RBPJ: variants seen among roughly 807,000 people sequenced by gnomAD.
RBPJ encodes recombining binding protein suppressor of hairless.
Under a neutral mutation model 67.8 loss-of-function variants are expected in RBPJ, and 9 were observed. That is an observed-to-expected ratio of 0.13 (90% CI 0.08 to 0.23). The LOEUF is 0.23. Among genes scored for constraint, RBPJ ranks in the 10% least tolerant of loss-of-function variants. The pLI, the probability that RBPJ is intolerant of heterozygous loss-of-function variation, is 1.00. For missense variants in RBPJ, 305 were observed against 595.6 expected (o/e 0.51, Z 5.08); for synonymous variants, 198 against 203.3 (o/e 0.97, Z 0.22).
intron 2 of RBPJ, among the ~76,000 whole-genome samples, chr4:26,389,335 A>G (rs552411179): frequency 1.3e-5 from 2 of 151,638 alleles, no homozygotes; most frequent in East Asian, 1.9e-4. Flanking sequence ...ACCAAAGACA[A>G]ATTATGCACA....
rs1471698728 is a variant in RBPJ, at chr4:26,430,386, T to C, written c.1045-33T>C. 12 of 1,534,368 alleles carry C rather than the reference T, an allele frequency of 7.8e-6. No individual in the cohort carries two copies. In the South Asian group the frequency reaches 1.2e-4, roughly 16 times the overall value. ...TGTACTTTAATGAAAAATGAAAAGT[T>C]TTCTCAGTGTTGTGATTTTCTGTGA... On this transcript the variant is annotated intron_variant, in intron 9 of 10. Transcript: ENST00000355476. This position sits in a 1 kb window ranked among gnomAD's most constrained non-coding sequence, Gnocchi z 4.1.
At chr4:26,107,763 T>G in the RBPJ span, among the ~76,000 whole-genome samples, 1 of 152,134 alleles carries the variant, frequency 6.6e-6, no homozygotes, top group Non-Finnish European at 1.5e-5. Context: ...CCAGGTATGA[T>G]GGTGCACACC....
intron 1 of RBPJ, among the ~76,000 whole-genome samples, chr4:26,351,056 A>C (rs1366442473): frequency 6.6e-6 from 1 of 151,984 alleles, no homozygotes; most frequent in African/African-American, 2.4e-5. Flanking sequence ...ATGGAACACT[A>C]TATTATATAC....
chr4:26,298,455 G>A (rs1443328192), intron 1 of RBPJ, among the ~76,000 whole-genome samples: 2 of 152,108 alleles, frequency 1.3e-5, no homozygotes, highest in African/African-American at 4.8e-5. Flanking sequence ...TTTTTGAAGA[G>A]GAGATTATGG....
chr4:26,139,677 C>G, the RBPJ span, among the ~76,000 whole-genome samples: 467 of 152,156 alleles, frequency 3.1e-3, 4 homozygotes, highest in African/African-American at 0.011. Context: ...TGGCATTGCA[C>G]AGAGTGGGGC....
chr4:26,312,086 A>T (rs1448106368), intron 1 of RBPJ, among the ~76,000 whole-genome samples: 2 of 152,116 alleles, frequency 1.3e-5, no homozygotes, highest in South Asian at 4.1e-4. Flanking sequence ...TTTGATGCCC[A>T]CTAAGTTCTG....
In RBPJ at chr4:26,431,699, T is replaced by A. The variant is rs1428727092; in HGVS notation, c.*692T>A. The A allele has an allele frequency of 1.3e-5, 2 of 152,084 alleles. No individual in the cohort carries two copies. Among genetic ancestry groups the A allele is most frequent in the Non-Finnish European group, 2.9e-5 (2 of 68,018 alleles). 9.4% of individuals were successfully genotyped at this position (152,084 alleles called of 1,614,324 possible). The stretch of plus-strand genomic sequence containing the variant: ...TCAAATCTTGCAAAGGCCTGCATAT[T>A]TTTTTTAAGATTATATGAAGTCTGT... On this transcript the variant is annotated 3_prime_UTR_variant, in exon 11 of 11. Transcript: ENST00000355476.
At chr4:26,325,038 C>T (rs1723476536) in intron 1 of RBPJ, among the ~76,000 whole-genome samples, 1 of 152,204 alleles carries the variant, frequency 6.6e-6, no homozygotes, top group Admixed American at 6.5e-5. Context: ...GAGGAGCACT[C>T]TGTAGATACG....
intron 1 of RBPJ, among the ~76,000 whole-genome samples, chr4:26,381,814 A>T (rs565764909): frequency 6.6e-6 from 1 of 152,274 alleles, no homozygotes; most frequent in Admixed American, 6.5e-5. Flanking sequence ...TAAAGCCCAG[A>T]ATCATAACTT....
chr4:26,287,267 C>T (rs988199492), intron 1 of RBPJ, among the ~76,000 whole-genome samples: 2 of 151,896 alleles, frequency 1.3e-5, no homozygotes, highest in Non-Finnish European at 2.9e-5. Context: ...AGATTGGGCA[C>T]AGTGGTTCGT....
At chr4:26,402,079 G>A (rs994598580) in intron 2 of RBPJ, among the ~76,000 whole-genome samples, 1 of 151,700 alleles carries the variant, frequency 6.6e-6, no homozygotes, top group African/African-American at 2.4e-5. Context: ...GTAGAAAGGG[G>A]GTTTCTCCAT....
upstream of RBPJ, chr4:26,320,413 A>G (rs1262622776): frequency 3.0e-6 from 1 of 329,030 alleles, no homozygotes; most frequent in Non-Finnish European, 5.6e-6. Context: ...GAATGAAGAC[A>G]GTCCCCGACG....
At chr4:26,204,793 A>G (rs1718112172) in intron 1 of RBPJ, among the ~76,000 whole-genome samples, 1 of 152,234 alleles carries the variant, frequency 6.6e-6, no homozygotes, top group African/African-American at 2.4e-5. Flanking sequence ...AGTGCTTAGC[A>G]TAAAGCATGG....
At chr4:26,114,533 G>A in the RBPJ span, among the ~76,000 whole-genome samples, 7 of 146,982 alleles carry the variant, frequency 4.8e-5, no homozygotes, top group African/African-American at 1.5e-4. Flanking sequence ...CCTGATGTTT[G>A]TAGACCTTAT....
intron 1 of RBPJ, among the ~76,000 whole-genome samples, chr4:26,313,381 G>C (rs1722499350): frequency 6.6e-6 from 1 of 151,938 alleles, no homozygotes; most frequent in Non-Finnish European, 1.5e-5. Flanking sequence ...AAAATACAAA[G>C]AAAAGGCCAG....
At chr4:26,113,520 G>A in the RBPJ span, 1 of 535,712 alleles carries the variant, frequency 1.9e-6, no homozygotes. Context: ...AAAACGTTCT[G>A]TGCGAAGTCA....
At chr4:26,346,951 C>T (rs930356158) in intron 1 of RBPJ, among the ~76,000 whole-genome samples, 2 of 151,702 alleles carry the variant, frequency 1.3e-5, no homozygotes, top group Non-Finnish European at 2.9e-5. Context: ...GAGATTGCGC[C>T]ACTGCACTCC....
chr4:26,107,253 C>G, the RBPJ span, among the ~76,000 whole-genome samples: 1 of 152,166 alleles, frequency 6.6e-6, no homozygotes, highest in African/African-American at 2.4e-5. Flanking sequence ...TCTCAAGTGC[C>G]CATCCCACAT....
rs1402972645 is a variant in RBPJ at position 26,407,874 on chromosome 4, G to GCTTT, written c.155+1613_155+1616dup. 2.4e-4 allele frequency among the ~76,000 whole-genome samples: 33 copies of GCTTT among 137,968 alleles called. No individual in the cohort carries two copies. In the East Asian group the frequency reaches 4.8e-3, roughly 20 times the overall value. The allele number at this position is 137,968 out of a possible 152,430, so 90.5% of individuals were successfully genotyped here. On this transcript the variant is annotated intron_variant, in intron 3 of 10. Coordinates refer to ENST00000355476, the MANE Select transcript of RBPJ (RefSeq NM_015874.6). ...GATCTGAGCTGAAAAGAGGGGTAAA[G>GCTTT]CTTTCTTTCTTTTTTTTTTTTTTTT...
Sources: allele counts gnomAD v4.1 joint callset (sites outside exome capture counted in the v4.1 genomes callset), GRCh38; gene constraint gnomAD v4.1.1; non-coding constraint Gnocchi (gnomAD v3.1); transcripts MANE v1.5; gene names NCBI Gene and HGNC (gene_info 2026-07-23, HGNC 2026-07-21).